Variants in ADCY3 observed in about 807,000 individuals in gnomAD.
ADCY3 encodes the protein adenylate cyclase 3, also known as adenylate cyclase type 3.
Under a neutral mutation model 119.4 loss-of-function variants are expected in ADCY3, and 70 were observed. That is an observed-to-expected ratio of 0.59 (90% CI 0.48 to 0.72). The LOEUF (loss-of-function observed/expected upper bound fraction) is 0.72, where lower values mean the gene tolerates loss of function less well. Ranked by LOEUF, ADCY3 falls within the 30% of genes least tolerant of loss-of-function variation. The pLI is 0.00. For missense variants in ADCY3, 1,238 were observed against 1,541.6 expected (o/e 0.80, Z 3.30); for synonymous variants, 672 against 621.4 (o/e 1.08, Z -1.21).
At chr2:24,846,970 G>A (rs1671726938) in intron 3 of ADCY3, among the ~76,000 whole-genome samples, 1 of 152,208 alleles carries the variant, frequency 6.6e-6, no homozygotes, top group Admixed American at 6.5e-5. Flanking sequence ...GCTGAAATGA[G>A]TTAAGACTTT....
At chr2:24,832,011 A>C (rs1669629031) in intron 11 of ADCY3, 1 of 95,614 alleles carries the variant, frequency 1.0e-5, no homozygotes, top group Non-Finnish European at 2.0e-5. Flanking sequence ...GGCAGGGGCC[A>C]GCAGACAGGG....
In ADCY3 at chr2:24,831,716, C is replaced by T. The variant is rs1234826852; in HGVS notation, c.2001G>A (p.Gly667=). The T allele has an allele frequency of 2.6e-5, 42 of 1,613,860 alleles. No individual in the cohort carries two copies. The highest frequency in any genetic ancestry group is 3.6e-5 in the Non-Finnish European group (42 of 1,179,998). ...LMTNYVTFMV[G]EILLLILTIC... ...TGGTCAGGATGAGGAGCAGAATCTC[C>T]CCCACCATGAAGGTCACATAGTTTG... is the stretch of plus-strand genomic sequence containing the variant. Residue 667 remains glycine (G), a synonymous_variant, in exon 12 of 22, where the codon GGG becomes GGA. Transcript: ENST00000679454.
chr2:24,884,769 G>A (rs867866824), intron 2 of ADCY3, among the ~76,000 whole-genome samples: 12 of 151,964 alleles, frequency 7.9e-5, no homozygotes, highest in African/African-American at 7.3e-5. Flanking sequence ...GAGCCACAGC[G>A]CCCAGCCCTC....
At position 24,841,293 on chromosome 2, in the gene ADCY3, T is replaced by A; in HGVS notation, c.1162A>T (p.Ile388Phe). The A allele has an allele frequency of 6.4e-7, 1 of 1,571,976 alleles. No individual in the cohort carries two copies. Among genetic ancestry groups the A allele is most frequent in the African/African-American group, 1.3e-5 (1 of 74,250 alleles). Residue 388 changes from isoleucine to phenylalanine, a missense_variant, in exon 6 of 22, where the codon ATC becomes TTC. Physicochemically the swap from Ile to Phe is conservative, Grantham distance 21. This residue lies in a region of ADCY3 where 283 missense variants were observed against 437.2 expected (regional missense o/e 0.65). Transcript: ENST00000679454. This position sits in a 1 kb window ranked among gnomAD's most constrained non-coding sequence, Gnocchi z 5.8. Reference protein sequence around the residue: ...DYREDHAVCSILMGLAMVEAI... With the variant: ...DYREDHAVCSFLMGLAMVEAI... Reference sequence around the variant, plus strand: ...TCCACCATGGCCAGCCCCATGAGGATGGAGCAGACGGCGTGGTCCTCCCGG... The same window carrying A: ...TCCACCATGGCCAGCCCCATGAGGAAGGAGCAGACGGCGTGGTCCTCCCGG...
At chr2:24,829,794 C>T (rs1428240758) in intron 13 of ADCY3, among the ~76,000 whole-genome samples, 2 of 151,416 alleles carry the variant, frequency 1.3e-5, no homozygotes, top group African/African-American at 4.9e-5. Flanking sequence ...GTATATGGTA[C>T]TACCACAATT....
Position 24,865,489 on chromosome 2 carries a change from CTGTGTGTGTGTG to C in ADCY3, c.825+7069_825+7080del, listed in dbSNP as rs3222240. ...TACAAAAGAGTGAATAGGCTATCAT[CTGTGTGTGTGTG>C]TGTGTGTGTGTGTGTGTGTGTGTGT... On this transcript the variant is annotated intron_variant, in intron 3 of 21. Transcript: ENST00000679454. 1.7e-3 allele frequency among the ~76,000 whole-genome samples: 242 copies of C among 140,526 alleles called. 1 individual carries two copies. Among genetic ancestry groups the C allele is most frequent in the African/African-American group, 4.8e-3 (186 of 38,876 alleles). The allele number at this position is 140,526 out of a possible 152,430, so 92.2% of individuals were successfully genotyped here.
At chr2:24,914,421 C>T (rs535809333) in intron 2 of ADCY3, among the ~76,000 whole-genome samples, 1 of 152,150 alleles carries the variant, frequency 6.6e-6, no homozygotes, top group South Asian at 2.1e-4. Flanking sequence ...ACCTGTAATC[C>T]CAGCACTTTG....
rs1664675898 is a variant in ADCY3, at chr2:24,918,079, G to C, written c.675+234C>G. Among the ~76,000 whole-genome samples, 1 of 152,214 alleles carries C rather than the reference G, an allele frequency of 6.6e-6. No homozygotes were observed. The highest frequency in any genetic ancestry group is 1.5e-5 in the Non-Finnish European group (1 of 68,040). Reference sequence around the variant, plus strand: ...CACTTAGACTGGGCACAGGTGAAGAGTGGCCCTGAGGCCCAATGCCCTGAC... The same window carrying C: ...CACTTAGACTGGGCACAGGTGAAGACTGGCCCTGAGGCCCAATGCCCTGAC... On this transcript the variant is annotated intron_variant, in intron 2 of 21. Transcript: ENST00000679454. This position sits in a 1 kb window ranked among gnomAD's most constrained non-coding sequence, Gnocchi z 5.4.
rs1010442349 is a variant in ADCY3 at position 24,842,111 on chromosome 2, G to A, written c.956+143C>T. The A allele has an allele frequency of 1.4e-5, 17 of 1,223,398 alleles. No homozygotes were observed. Among genetic ancestry groups the A allele is most frequent in the South Asian group, 8.7e-5 (6 of 69,178 alleles). 75.8% of individuals were successfully genotyped at this position (1,223,398 alleles called of 1,614,324 possible). On this transcript the variant is annotated intron_variant, in intron 4 of 21. Coordinates refer to ENST00000679454, the MANE Select transcript of ADCY3 (RefSeq NM_004036.5). The surrounding 1 kb of genome is among the most constrained non-coding windows in gnomAD (Gnocchi z 4.9). ...TCAACATCTGCTGGCAGCTTCCTCC[G>A]CCAGGCTGATGAATGCTGTGGGAGG...
chr2:24,911,383 A>C (rs1296416713), intron 2 of ADCY3, among the ~76,000 whole-genome samples: 4 of 151,522 alleles, frequency 2.6e-5, no homozygotes, highest in African/African-American at 9.7e-5. Flanking sequence ...GCTGTGGTTC[A>C]TGCCTGTAAT....
rs1457265414 is a variant in ADCY3, at chr2:24,836,853, T to C, written c.1662+64A>G. The C allele has an allele frequency of 8.4e-6, 13 of 1,545,866 alleles. 1 individual carries two copies. Among genetic ancestry groups the C allele is most frequent in the Admixed American group, 7.6e-5 (4 of 52,478 alleles). On this transcript the variant is annotated intron_variant, in intron 9 of 21. Coordinates refer to ENST00000679454, the MANE Select transcript of ADCY3 (RefSeq NM_004036.5). Reference sequence around the variant, plus strand: ...ACAGGACTCCTGCTGCAGGAACGTATTGCTTCCTGGTGCCTGCCCGCATCT... The same window carrying C: ...ACAGGACTCCTGCTGCAGGAACGTACTGCTTCCTGGTGCCTGCCCGCATCT...
rs962283241 is a variant in ADCY3 at position 24,899,320 on chromosome 2, T to C, written c.675+18993A>G. The stretch of plus-strand genomic sequence containing the variant: ...CTGTGAGGTGATGACTGTATTGATT[T>C]TGATGCCTTCTTCAATCCCAATAAA... On this transcript the variant is annotated intron_variant, in intron 2 of 21. Coordinates refer to ENST00000679454, the MANE Select transcript of ADCY3 (RefSeq NM_004036.5). This position sits in a 1 kb window ranked among gnomAD's most constrained non-coding sequence, Gnocchi z 4.5. Among the ~76,000 whole-genome samples the C allele has an allele frequency of 6.6e-6, 1 of 152,234 alleles. No homozygotes were observed. Among genetic ancestry groups the C allele is most frequent in the African/African-American group, 2.4e-5 (1 of 41,456 alleles).
intron 14 of ADCY3, 95 bp from the exon 15 acceptor site, chr2:24,827,703 G>GAGAATGGGA (rs767432609): frequency 4.0e-5 from 58 of 1,446,280 alleles, no homozygotes; most frequent in Non-Finnish European, 5.4e-5. Flanking sequence ...TCCACTCGGG[G>GAGAATGGGA]AGAATGGGAA....
chr2:24,862,041 CCCAAAAA>C (rs1673725130), intron 3 of ADCY3, among the ~76,000 whole-genome samples: 4 of 152,188 alleles, frequency 2.6e-5, no homozygotes, highest in Admixed American at 2.6e-4. Flanking sequence ...CTCACAGTCC[CCCAAAAA>C]CGCTGGCAGA....
At chr2:24,852,416 G>A (rs567525799) in intron 3 of ADCY3, among the ~76,000 whole-genome samples, 76 of 152,302 alleles carry the variant, frequency 5.0e-4, no homozygotes, top group Non-Finnish European at 8.8e-4. Context: ...AAGAGGGAGC[G>A]GAGGAGGAGA....
chr2:24,831,771 T>G (rs1462991747), intron 11 of ADCY3, 22 bp from the exon 12 acceptor site: 1 of 1,367,626 alleles, frequency 7.3e-7, no homozygotes, highest in Non-Finnish European at 9.7e-7. Context: ...AGAAGACAAT[T>G]GGGAGAGGCC....
chr2:24,887,186 G>A (rs899398606), intron 2 of ADCY3, among the ~76,000 whole-genome samples: 2 of 152,152 alleles, frequency 1.3e-5, no homozygotes, highest in Non-Finnish European at 2.9e-5. Context: ...AAGACGTGCC[G>A]AGCGAAAGGG....
At chr2:24,829,117 A>C in intron 13 of ADCY3, among the ~76,000 whole-genome samples, 1 of 151,474 alleles carries the variant, frequency 6.6e-6, no homozygotes. Flanking sequence ...CCCAGGTTCA[A>C]GCGATTCTCC....
intron 3 of ADCY3, among the ~76,000 whole-genome samples, chr2:24,852,906 C>G (rs1158549369): frequency 6.6e-6 from 1 of 152,134 alleles, no homozygotes; most frequent in African/African-American, 2.4e-5. Flanking sequence ...CCGTGCTCAT[C>G]AGGGTGGGGA....
Sources: gnomAD v4.1 joint callset for allele counts (sites outside exome capture counted in the v4.1 genomes callset) on GRCh38, gnomAD v4.1.1 for gene constraint, gnomAD v4.1.1 regional missense constraint, Gnocchi (gnomAD v3.1) non-coding constraint, MANE v1.5 for transcripts, NCBI Gene and HGNC (gene_info 2026-07-23, HGNC 2026-07-21) for gene names.